The following ROS1 variants were observed in gnomAD, a reference collection of about 807,000 sequenced individuals.
ROS1 encodes ROS proto-oncogene 1, receptor tyrosine kinase.
A neutral mutation model predicts 273.5 loss-of-function variants in ROS1; 263 were observed. That is an observed-to-expected ratio of 0.96 (90% CI 0.87 to 1.06). The LOEUF is 1.06. ROS1 is among the 50% of genes least tolerant of loss of function. The probability of loss-of-function intolerance (pLI) is 0.00; values close to 1 mark genes in which losing one functional copy is unlikely to be tolerated. For synonymous variants in ROS1, 1,008 were observed against 954.1 expected (o/e 1.06, Z -1.04); for missense variants, 2,833 against 2,751.1 (o/e 1.03, Z -0.67).
rs2128704110 is a variant in ROS1, at chr6:117,389,445, T to C, written c.1691A>G (p.His564Arg). Residue 564 changes from histidine (H) to arginine (R), a missense_variant, in exon 13 of 44, where the codon CAC becomes CGC. Physicochemically the swap from His to Arg is conservative, Grantham distance 29. Coordinates refer to ENST00000368507, the MANE Select transcript of ROS1 (RefSeq NM_001378902.1). ...LVIFGSSSQL[H>R]PLPGRPQELS... ...CTCCTGCGGGCGGCCTGGCAGAGGGTGCAGCTGGGAGGATGAGCCAAAGAT... is the reference window on the plus strand; with the variant it reads ...CTCCTGCGGGCGGCCTGGCAGAGGGCGCAGCTGGGAGGATGAGCCAAAGAT... The C allele has an allele frequency of 6.2e-7, 1 of 1,614,054 alleles. No individual in the cohort carries two copies. The highest frequency in any genetic ancestry group is 8.5e-7 in the Non-Finnish European group (1 of 1,180,008).
In ROS1 at chr6:117,326,289, A is replaced by T. The variant is rs1266780413; in HGVS notation, c.5474T>A (p.Val1825Glu). The T allele has an allele frequency of 6.2e-7, 1 of 1,601,542 alleles. No homozygotes were observed. Among genetic ancestry groups the T allele is most frequent in the South Asian group, 1.1e-5 (1 of 88,794 alleles). ...NLKGIFQFRV[V>E]AANNLGFGEY... Reference sequence around the variant, plus strand: ...ACCAAACCCTAGATTATTTGCAGCTACTACTCTGAACTGAAATATTCCTTT... The same window carrying T: ...ACCAAACCCTAGATTATTTGCAGCTTCTACTCTGAACTGAAATATTCCTTT... The change falls in exon 34 of 44, where the codon GTA becomes GAA. Residue 1825 changes from valine to glutamate, a missense_variant. Coordinates refer to ENST00000368507, the MANE Select transcript of ROS1 (RefSeq NM_001378902.1).
At chr6:117,378,473 T>C (rs1432207455) in intron 18 of ROS1, among the ~76,000 whole-genome samples, 1 of 152,230 alleles carries the variant, frequency 6.6e-6, no homozygotes. Flanking sequence ...TTTTTTGTGA[T>C]GATGGATATG....
At chr6:117,291,550 A>C (rs571138178) in intron 43 of ROS1, among the ~76,000 whole-genome samples, 25 of 152,340 alleles carry the variant, frequency 1.6e-4, no homozygotes, top group Admixed American at 3.9e-4. Context: ...GCTGAGAGGA[A>C]AGGCTCAACA....
intron 33 of ROS1, among the ~76,000 whole-genome samples, chr6:117,328,092 C>G (rs757414271): frequency 5.9e-5 from 9 of 152,140 alleles, no homozygotes; most frequent in Non-Finnish European, 1.3e-4. Context: ...TGTGGCAACC[C>G]TTGGAAACTA....
chr6:117,297,845 A>G (rs180936087), intron 43 of ROS1, among the ~76,000 whole-genome samples: 1 of 152,286 alleles, frequency 6.6e-6, no homozygotes, highest in East Asian at 1.9e-4. Context: ...TGATCTAGCA[A>G]TCAATCCAGC....
chr6:117,421,540 G>A (rs140596920), intron 1 of ROS1, among the ~76,000 whole-genome samples: 157 of 152,038 alleles, frequency 1.0e-3, no homozygotes, highest in African/African-American at 3.5e-3. Flanking sequence ...CCAAATAATG[G>A]CCTCCATAGA....
intron 27 of ROS1, among the ~76,000 whole-genome samples, chr6:117,350,824 T>C (rs1222664563): frequency 6.6e-6 from 1 of 152,194 alleles, no homozygotes; most frequent in Non-Finnish European, 1.5e-5. Flanking sequence ...AGTGTTTTTA[T>C]CTCTAACATT....
intron 1 of ROS1, 118 bp from the exon 2 acceptor site, chr6:117,418,624 A>C: frequency 1.6e-6 from 1 of 639,976 alleles, no homozygotes; most frequent in Non-Finnish European, 2.6e-6. Flanking sequence ...TTGTAACTCT[A>C]AAGTAAAGAG....
intron 17 of ROS1, among the ~76,000 whole-genome samples, chr6:117,379,681 C>T (rs1159158143): frequency 6.6e-6 from 1 of 152,108 alleles, no homozygotes; most frequent in Non-Finnish European, 1.5e-5. Context: ...CCAGGCTGCA[C>T]TCTATTAATT....
rs747751794 is a variant in ROS1 at position 117,341,317 on chromosome 6, G to A, written c.4885-6C>T. 1 of 1,612,106 alleles carries A rather than the reference G, an allele frequency of 6.2e-7. No homozygotes were observed. Among genetic ancestry groups the A allele is most frequent in the South Asian group, 1.1e-5 (1 of 90,824 alleles). On this transcript the variant is annotated splice_region_variant and splice_polypyrimidine_tract_variant and intron_variant, in intron 30 of 43. Transcript: ENST00000368507. ...TCAGAGTGGCAGGCAAGAACCTTTT[G>A]GTAAAAAAGAACAATTGCTTAACCT...
Position 117,337,315 on chromosome 6 carries a change from A to G in ROS1, c.5087T>C (p.Val1696Ala), listed in dbSNP as rs776465526. The G allele has an allele frequency of 5.1e-5, 82 of 1,605,190 alleles. No individual in the cohort carries two copies. The highest frequency in any genetic ancestry group is 6.9e-5 in the Non-Finnish European group (81 of 1,176,930). Residue 1696 changes from valine to alanine, a missense_variant, in exon 32 of 44, where the codon GTT becomes GCT. Coordinates refer to ENST00000368507, the MANE Select transcript of ROS1 (RefSeq NM_001378902.1). Reference protein sequence around the residue: ...QKWKYNEFYHVKTSCSQGPAY... With the variant: ...QKWKYNEFYHAKTSCSQGPAY... Reference sequence around the variant, plus strand: ...AGGACCTTGGCTGCATGAAGTTTTAACATGGTAAAACTCATTGTATTTCCA... The same window carrying G: ...AGGACCTTGGCTGCATGAAGTTTTAGCATGGTAAAACTCATTGTATTTCCA...
chr6:117,328,811 T>A (rs2128591123), intron 33 of ROS1: 1 of 613,500 alleles, frequency 1.6e-6, no homozygotes, highest in Non-Finnish European at 3.2e-6. Context: ...GTGTTTTCAG[T>A]CCCTGGGAAC....
chr6:117,357,819 A>G lies in ROS1; in HGVS notation c.3824T>C (p.Val1275Ala). The change falls in exon 25 of 44, where the codon GTA (valine) becomes GCA (alanine). Residue 1275 changes from valine to alanine, a missense_variant. By Grantham distance (64) the Val-to-Ala change is moderately conservative (BLOSUM62 0). Coordinates refer to ENST00000368507, the MANE Select transcript of ROS1 (RefSeq NM_001378902.1). Reference sequence around the variant, plus strand: ...ATTTACATACCTTAAAAGAGGATATACAGAAAAAGAAATTATTGTTGAATT... The same window carrying G: ...ATTTACATACCTTAAAAGAGGATATGCAGAAAAAGAAATTATTGTTGAATT... ...NRNSTIISFS[V>A]YPLLSRLYWT... is the part of the protein sequence containing the mutation. 6.2e-7 allele frequency: 1 copy of G among 1,606,398 alleles called. No individual in the cohort carries two copies. Among genetic ancestry groups the G allele is most frequent in the Non-Finnish European group, 8.5e-7 (1 of 1,174,106 alleles).
rs2128582340 is a variant in ROS1 at position 117,326,403 on chromosome 6, G to A, written c.5360C>T (p.Ser1787Leu). 11 of 1,537,786 alleles carry A rather than the reference G, an allele frequency of 7.2e-6. No individual in the cohort carries two copies. The highest frequency in any genetic ancestry group is 9.6e-6 in the Non-Finnish European group (11 of 1,147,796). ...YYILEIRKST[S>L]NNLQNQNLRW... Reference sequence around the variant, plus strand: ...TAAATTCTGGTTCTGTAAATTATTTGAAGTGCTCTTTCTGCAAAAAATAAT... The same window carrying A: ...TAAATTCTGGTTCTGTAAATTATTTAAAGTGCTCTTTCTGCAAAAAATAAT... The change falls in exon 34 of 44, where the codon TCA becomes TTA. Residue 1787 changes from serine (S) to leucine (L), a missense_variant. Physicochemically the swap from Ser to Leu is moderately radical, Grantham distance 145. Transcript: ENST00000368507.
chr6:117,324,653 C>A (rs914976709), intron 34 of ROS1, among the ~76,000 whole-genome samples: 1 of 152,020 alleles, frequency 6.6e-6, no homozygotes, highest in Non-Finnish European at 1.5e-5. Flanking sequence ...TGGAATATAT[C>A]CACTCAATCT....
intron 9 of ROS1, among the ~76,000 whole-genome samples, chr6:117,395,287 G>A (rs1773402190): frequency 6.6e-6 from 1 of 152,142 alleles, no homozygotes; most frequent in African/African-American, 2.4e-5. Flanking sequence ...TTTAATGAAT[G>A]TTATGCAATA....
At chr6:117,365,010 A>G in intron 21 of ROS1, 50 bp downstream of exon 21, 1 of 1,561,506 alleles carries the variant, frequency 6.4e-7, no homozygotes, top group East Asian at 2.2e-5. Flanking sequence ...AGATCATGAA[A>G]AGTGAGATTC....
In ROS1 at chr6:117,396,187, C is replaced by T. The variant is rs1269700619; in HGVS notation, c.883+1G>A. 2 of 1,612,300 alleles carry T rather than the reference C, an allele frequency of 1.2e-6. No individual in the cohort carries two copies. The highest frequency in any genetic ancestry group is 1.7e-6 in the Non-Finnish European group (2 of 1,178,496). ...GCTAAAGGAAGAAGCCTGACCCATACCTGCTGAAGATGAAGTGGTAATACT... is the reference window on the plus strand; with the variant it reads ...GCTAAAGGAAGAAGCCTGACCCATATCTGCTGAAGATGAAGTGGTAATACT... On this transcript the variant is annotated splice_donor_variant, in intron 9 of 43. Coordinates refer to ENST00000368507, the MANE Select transcript of ROS1 (RefSeq NM_001378902.1). LOFTEE classifies it high-confidence loss of function.
Position 117,381,366 on chromosome 6 carries a change from T to G in ROS1, c.2481+1951A>C, listed in dbSNP as rs573421940. On this transcript the variant is annotated intron_variant, in intron 17 of 43. Transcript: ENST00000368507. ...GTAAAAATGTACCCAATATGTAGGG[T>G]TTTTTTTATCCCCCACCCAACTTCC... 2.6e-3 allele frequency among the ~76,000 whole-genome samples: 401 copies of G among 151,428 alleles called. 2 individuals carry two copies. The highest frequency in any genetic ancestry group is 9.4e-3 in the African/African-American group (387 of 41,322).
Sources: gnomAD v4.1 joint callset for allele counts (sites outside exome capture counted in the v4.1 genomes callset) on GRCh38, gnomAD v4.1.1 for gene constraint, MANE v1.5 for transcripts, NCBI Gene and HGNC (gene_info 2026-07-23, HGNC 2026-07-21) for gene names.